The following FSTL5 variants were observed in gnomAD, a reference collection of about 807,000 sequenced individuals.
The protein encoded by FSTL5 is follistatin-related protein 5.
In FSTL5, 62 loss-of-function variants were observed where a neutral mutation model predicts 89.1. The ratio of observed to expected loss-of-function variants is 0.70; its 90% CI spans 0.57 to 0.86. The LOEUF is 0.86. FSTL5 is among the 40% of genes least tolerant of loss of function. The pLI is 0.00. For missense variants in FSTL5, 1,057 were observed against 1,001.6 expected (o/e 1.06, Z -0.75); for synonymous variants, 383 against 346.2 (o/e 1.11, Z -1.18).
chr4:162,064,214 C>T (rs1305942961), intron 2 of FSTL5, among the ~76,000 whole-genome samples: 6 of 151,918 alleles, frequency 3.9e-5, no homozygotes, highest in East Asian at 1.9e-4. Flanking sequence ...TTAATATTTA[C>T]GGATAAGAAT....
chr4:161,635,723 A>G (rs1449924998), intron 7 of FSTL5, among the ~76,000 whole-genome samples: 1 of 152,190 alleles, frequency 6.6e-6, no homozygotes, highest in Non-Finnish European at 1.5e-5. Context: ...TTACGTCTAG[A>G]CAAAAGTTGT....
intron 3 of FSTL5, among the ~76,000 whole-genome samples, chr4:162,011,702 G>T (rs2111131920): frequency 6.6e-6 from 1 of 152,064 alleles, no homozygotes; most frequent in Middle Eastern, 3.4e-3. Context: ...TCACCATGTT[G>T]GCCAGGCTGG....
At chr4:162,043,553 T>G (rs1007757621) in intron 2 of FSTL5, among the ~76,000 whole-genome samples, 1 of 152,104 alleles carries the variant, frequency 6.6e-6, no homozygotes, top group Non-Finnish European at 1.5e-5. Flanking sequence ...TTGTTGAAGG[T>G]TAGGGTGGAT....
At chr4:161,460,332 G>C (rs1410508021) in intron 13 of FSTL5, among the ~76,000 whole-genome samples, 1 of 150,174 alleles carries the variant, frequency 6.7e-6, no homozygotes, top group African/African-American at 2.4e-5. Flanking sequence ...TTGGTGTGCT[G>C]CACCCGTTAA....
intron 7 of FSTL5, among the ~76,000 whole-genome samples, chr4:161,625,494 G>A (rs1355205942): frequency 1.3e-5 from 2 of 152,026 alleles, no homozygotes; most frequent in African/African-American, 2.4e-5. Flanking sequence ...TAAAAATTGC[G>A]TGTGTTCTTA....
intron 4 of FSTL5, among the ~76,000 whole-genome samples, chr4:161,818,670 C>T (rs1730403285): frequency 1.3e-5 from 2 of 152,166 alleles, no homozygotes; most frequent in African/African-American, 4.8e-5. Flanking sequence ...GGAGCTTTTC[C>T]CGTTTCAATA....
chr4:161,412,944 A>G (rs1731643700), intron 15 of FSTL5, among the ~76,000 whole-genome samples: 1 of 152,154 alleles, frequency 6.6e-6, no homozygotes, highest in Admixed American at 6.6e-5. Context: ...TTTAAATGTA[A>G]GGCCTCAAAT....
chr4:162,102,619 AATATTTATAACATATATAAATATGT>A, intron 2 of FSTL5, among the ~76,000 whole-genome samples: 1 of 146,258 alleles, frequency 6.8e-6, no homozygotes, highest in Non-Finnish European at 1.5e-5. Flanking sequence ...TTATATATAA[AATATTTATAACATATATAAATATGT>A]ATATTTATAT....
intron 2 of FSTL5, among the ~76,000 whole-genome samples, chr4:162,054,865 A>G (rs1738487736): frequency 6.6e-6 from 1 of 151,848 alleles, no homozygotes; most frequent in Admixed American, 6.6e-5. Context: ...CTTCATTACA[A>G]GTTGCAAAAC....
At chr4:161,788,537 G>T (rs1741994689) in intron 4 of FSTL5, among the ~76,000 whole-genome samples, 1 of 152,160 alleles carries the variant, frequency 6.6e-6, no homozygotes, top group African/African-American at 2.4e-5. Context: ...CAAAGCCTTT[G>T]TTAGTAATTC....
intron 3 of FSTL5, among the ~76,000 whole-genome samples, chr4:161,968,004 G>C (rs1448317006): frequency 6.6e-6 from 1 of 151,688 alleles, no homozygotes; most frequent in Non-Finnish European, 1.5e-5. Context: ...ATAAATACTT[G>C]TGTATTTTCT....
chr4:161,828,411 A>C (rs1730735817), intron 4 of FSTL5, among the ~76,000 whole-genome samples: 1 of 152,124 alleles, frequency 6.6e-6, no homozygotes, highest in South Asian at 2.1e-4. Flanking sequence ...TAAAAGTTCT[A>C]GATGTATGTG....
At chr4:161,974,217 A>C (rs549894778) in intron 3 of FSTL5, among the ~76,000 whole-genome samples, 59 of 152,264 alleles carry the variant, frequency 3.9e-4, no homozygotes, top group African/African-American at 4.8e-4. Context: ...CCATCCCCAT[A>C]AAGCTACCAA....
At chr4:161,769,294 C>A (rs1741126545) in intron 5 of FSTL5, among the ~76,000 whole-genome samples, 1 of 151,912 alleles carries the variant, frequency 6.6e-6, no homozygotes, top group African/African-American at 2.4e-5. Context: ...TCAAACTATT[C>A]TGAAAATTAG....
At chr4:161,515,712 T>C (rs1467649381) in intron 10 of FSTL5, among the ~76,000 whole-genome samples, 5 of 152,036 alleles carry the variant, frequency 3.3e-5, no homozygotes, top group African/African-American at 4.8e-5. Context: ...TATGATTTAC[T>C]TTATTAATTC....
At chr4:161,936,182 T>C (rs1310223387) in intron 3 of FSTL5, among the ~76,000 whole-genome samples, 2 of 152,150 alleles carry the variant, frequency 1.3e-5, no homozygotes, top group Non-Finnish European at 2.9e-5. Flanking sequence ...TAGAGATTAG[T>C]TTGTTAATAG....
chr4:161,455,001 T>TA lies in FSTL5; in HGVS notation c.1841+2dup, dbSNP rs751141673. 1.2e-6 allele frequency: 2 copies of TA among 1,613,002 alleles called. No individual in the cohort carries two copies. The highest frequency in any genetic ancestry group is 1.7e-6 in the Non-Finnish European group (2 of 1,179,334). On this transcript the variant is annotated splice_region_variant and intron_variant, in intron 15 of 15. Transcript: ENST00000306100. The stretch of plus-strand genomic sequence containing the variant: ...AAAGTTGATCACTCAACTTAGCACT[T>TA]ACCTCATATGGGTGATAATGAGTGT...
chr4:161,649,295 A>T (rs887925800), intron 7 of FSTL5, among the ~76,000 whole-genome samples: 3 of 152,212 alleles, frequency 2.0e-5, no homozygotes, highest in Non-Finnish European at 4.4e-5. Flanking sequence ...TACGAAACTG[A>T]TGTTTATACT....
chr4:161,522,165 G>A (rs1402103039), intron 10 of FSTL5, among the ~76,000 whole-genome samples: 1 of 152,090 alleles, frequency 6.6e-6, no homozygotes, highest in Non-Finnish European at 1.5e-5. Context: ...AACAAGGGCA[G>A]AACAAACAAC....
Sources: allele counts gnomAD v4.1 joint callset (sites outside exome capture counted in the v4.1 genomes callset), GRCh38; gene constraint gnomAD v4.1.1; transcripts MANE v1.5; gene names NCBI Gene and HGNC (gene_info 2026-07-23, HGNC 2026-07-21).